CRTC3: variants seen among roughly 807,000 people sequenced by gnomAD.
CRTC3 encodes the protein CREB-regulated transcription coactivator 3.
CRTC3 carries 26 observed loss-of-function variants against 74.5 expected under a neutral mutation model. The observed-to-expected ratio is 0.35, with a 90% CI of 0.26 to 0.48. CRTC3 has a LOEUF of 0.48. Among genes scored for constraint, CRTC3 ranks in the 20% least tolerant of loss-of-function variants. CRTC3 has a pLI of 0.99. For synonymous variants in CRTC3, 377 were observed against 325.8 expected (o/e 1.16, Z -1.69); for missense variants, 760 against 787.3 (o/e 0.97, Z 0.41).
At chr15:90,580,066 C>T (rs1391425864) in intron 2 of CRTC3, among the ~76,000 whole-genome samples, 4 of 152,174 alleles carry the variant, frequency 2.6e-5, no homozygotes, top group African/African-American at 7.2e-5. Context: ...AAAATAATCA[C>T]ATTCACTAAT....
At chr15:90,586,574 G>A (rs1967669986) in intron 2 of CRTC3, among the ~76,000 whole-genome samples, 1 of 151,840 alleles carries the variant, frequency 6.6e-6, no homozygotes, top group Admixed American at 6.6e-5. Context: ...GTTGGCCATG[G>A]CTGGTCTTGA....
intron 2 of CRTC3, among the ~76,000 whole-genome samples, chr15:90,580,866 G>C (rs1394831896): frequency 2.0e-5 from 3 of 152,108 alleles, no homozygotes; most frequent in Admixed American, 1.3e-4. Flanking sequence ...ATTTTTGGTA[G>C]CTTGGTTCGT....
intron 2 of CRTC3, among the ~76,000 whole-genome samples, chr15:90,557,853 G>T (rs1014296391): frequency 2.0e-5 from 3 of 152,064 alleles, no homozygotes; most frequent in African/African-American, 7.2e-5. Context: ...TCTGGCTCCT[G>T]CGTGCCAGAA....
At chr15:90,632,197 A>G (rs535191580) in intron 11 of CRTC3, among the ~76,000 whole-genome samples, 2 of 152,058 alleles carry the variant, frequency 1.3e-5, no homozygotes, top group East Asian at 3.9e-4. Context: ...ATTATTTTAT[A>G]AGATCTAAAA....
rs200372936 is a variant in CRTC3 at position 90,541,791 on chromosome 15, T to C, written c.231+1654T>C. 3.8e-5 allele frequency among the ~76,000 whole-genome samples: 5 copies of C among 130,930 alleles called. No individual in the cohort carries two copies. In the East Asian group the frequency reaches 6.0e-4, roughly 16 times the overall value. The allele number at this position is 130,930 out of a possible 152,430, so 85.9% of individuals were successfully genotyped here. A position where few individuals can be genotyped will look rare whatever the true frequency, so the allele number is the denominator to read the frequency against. ...TGGCCTTCCCAGGATTCTTTTTTTCTTTTTTTTTTTTTGAGATGGAGTCTC... is the reference window on the plus strand; with the variant it reads ...TGGCCTTCCCAGGATTCTTTTTTTCCTTTTTTTTTTTTGAGATGGAGTCTC... On this transcript the variant is annotated intron_variant, in intron 2 of 14. Transcript: ENST00000268184.
At chr15:90,614,705 T>C (rs2151086663) in intron 7 of CRTC3, 1 of 471,954 alleles carries the variant, frequency 2.1e-6, no homozygotes, top group Non-Finnish European at 3.8e-6. Flanking sequence ...CAAAGGTTCC[T>C]TTTTATCTAG....
intron 2 of CRTC3, among the ~76,000 whole-genome samples, chr15:90,589,148 C>T (rs971742807): frequency 1.1e-4 from 17 of 151,778 alleles, no homozygotes; most frequent in Non-Finnish European, 2.1e-4. Context: ...CCTCCGCCTC[C>T]CGGGTTCAAG....
At chr15:90,576,375 G>A (rs1041011114) in intron 2 of CRTC3, among the ~76,000 whole-genome samples, 4 of 152,096 alleles carry the variant, frequency 2.6e-5, no homozygotes, top group Non-Finnish European at 4.4e-5. Context: ...GGGTTAGGCC[G>A]TCGAGTGGCG....
chr15:90,592,386 A>G (rs1386205853), intron 2 of CRTC3, among the ~76,000 whole-genome samples: 2 of 152,172 alleles, frequency 1.3e-5, no homozygotes, highest in Non-Finnish European at 2.9e-5. Flanking sequence ...TTAATGCTGG[A>G]GGGGATGGGA....
At chr15:90,557,399 C>G (rs927547485) in intron 2 of CRTC3, among the ~76,000 whole-genome samples, 10 of 152,060 alleles carry the variant, frequency 6.6e-5, no homozygotes, top group African/African-American at 2.4e-4. Context: ...CCATCTGGTC[C>G]CCAGAACGTT....
chr15:90,593,693 A>C lies in CRTC3; in HGVS notation c.289A>C (p.Arg97=), dbSNP rs1967852535. ...AACCCGCCATCACGGGCTGGTGGAG[A>C]GGCCATCCAGGAACCGCTTCCACCC... is the stretch of plus-strand genomic sequence containing the variant. The part of the protein sequence containing the change: ...RGTRHHGLVE[R]PSRNRFHPLH... Residue 97 remains arginine, a synonymous_variant, in exon 3 of 15, where the codon AGG becomes CGG. Transcript: ENST00000268184. The C allele has an allele frequency of 6.2e-7, 1 of 1,612,224 alleles. No homozygotes were observed. The highest frequency in any genetic ancestry group is 8.5e-7 in the Non-Finnish European group (1 of 1,178,516).
intron 9 of CRTC3, among the ~76,000 whole-genome samples, chr15:90,623,248 C>T (rs1041113351): frequency 1.3e-5 from 2 of 152,186 alleles, no homozygotes; most frequent in Non-Finnish European, 2.9e-5. Flanking sequence ...GGTGTTCCTT[C>T]CTGCTTACCC....
chr15:90,565,486 G>A (rs1967104265), intron 2 of CRTC3, among the ~76,000 whole-genome samples: 1 of 152,162 alleles, frequency 6.6e-6, no homozygotes, highest in Admixed American at 6.5e-5. Flanking sequence ...AATGCAATGT[G>A]CTCTTGTATA....
intron 2 of CRTC3, among the ~76,000 whole-genome samples, chr15:90,550,448 G>GTTTTTTTTTTTT (rs34296183): frequency 7.0e-6 from 1 of 142,738 alleles, no homozygotes; most frequent in Non-Finnish European, 1.5e-5. Context: ...TCCTTTGCCT[G>GTTTTTTTTTTTT]TTTTTTTTTT....
intron 2 of CRTC3, among the ~76,000 whole-genome samples, chr15:90,572,424 G>C (rs1050335697): frequency 6.6e-6 from 1 of 152,152 alleles, no homozygotes; most frequent in East Asian, 1.9e-4. Context: ...TATGTTCCTA[G>C]AAGTAAAATA....
chr15:90,548,944 G>T (rs1966849347), intron 2 of CRTC3, among the ~76,000 whole-genome samples: 2 of 152,102 alleles, frequency 1.3e-5, no homozygotes, highest in South Asian at 4.1e-4. Context: ...ATTCCCTAGA[G>T]TTTATTCTCT....
At chr15:90,564,442 G>A (rs1024825040) in intron 2 of CRTC3, among the ~76,000 whole-genome samples, 1 of 152,126 alleles carries the variant, frequency 6.6e-6, no homozygotes, top group Admixed American at 6.5e-5. Flanking sequence ...TACTGAAGCT[G>A]TTCAGAGGAC....
chr15:90,580,580 T>C (rs964943495), intron 2 of CRTC3, among the ~76,000 whole-genome samples: 1 of 152,010 alleles, frequency 6.6e-6, no homozygotes, highest in Admixed American at 6.6e-5. Context: ...GGCACGTGCA[T>C]GACCACACCC....
intron 14 of CRTC3, 84 bp from the exon 15 acceptor site, chr15:90,641,832 ATAGCAGTTTAGGGGAC>A: frequency 1.1e-6 from 1 of 915,640 alleles, no homozygotes; most frequent in East Asian, 2.4e-5. Flanking sequence ...GATGTGTGGG[ATAGCAGTTTAGGGGAC>A]TGTCATCAGC....
Sources: gnomAD v4.1 joint callset for allele counts (sites outside exome capture counted in the v4.1 genomes callset) on GRCh38, gnomAD v4.1.1 for gene constraint, MANE v1.5 for transcripts, NCBI Gene and HGNC (gene_info 2026-07-23, HGNC 2026-07-21) for gene names.